STK11: variants seen among roughly 807,000 people sequenced by gnomAD.
The protein encoded by STK11 is serine/threonine-protein kinase STK11.
A neutral mutation model predicts 47.3 loss-of-function variants in STK11; 8 were observed. The observed-to-expected ratio is 0.17, with a 90% CI of 0.10 to 0.31. STK11 has a LOEUF of 0.31. Ranked by LOEUF, STK11 falls within the 10% of genes least tolerant of loss-of-function variation. The pLI, the probability that STK11 is intolerant of heterozygous loss-of-function variation, is 1.00. For missense variants in STK11, 475 were observed against 605.0 expected, an observed-to-expected ratio of 0.79 and a Z score of 2.25; for synonymous variants, 330 against 255.8, an observed-to-expected ratio of 1.29 and a Z score of -2.77.
intron 1 of STK11, among the ~76,000 whole-genome samples, chr19:1,208,901 G>T (rs1024631227): frequency 6.6e-6 from 1 of 151,394 alleles, no homozygotes; most frequent in African/African-American, 2.4e-5. Context: ...GATTAAAGGC[G>T]TGAGCCACCG....
chr19:1,224,521 A>G, intron 8 of STK11: 9 of 985,398 alleles, frequency 9.1e-6, no homozygotes, highest in Non-Finnish European at 9.6e-6. Flanking sequence ...CAGGAGGGCC[A>G]GTTAGGGCAG....
chr19:1,221,822 C>T lies in STK11; in HGVS notation c.863-127C>T, dbSNP rs570425322. 4.2e-4 allele frequency: 460 copies of T among 1,093,924 alleles called. 1 individual carries two copies. The highest frequency in any genetic ancestry group is 6.2e-4 in the Middle Eastern group (3 of 4,854). 67.8% of individuals were successfully genotyped at this position (1,093,924 alleles called of 1,614,324 possible). On this transcript the variant is annotated intron_variant, in intron 6 of 9. Coordinates refer to ENST00000326873, the MANE Select transcript of STK11 (RefSeq NM_000455.5). Reference sequence around the variant, plus strand: ...CTCTGTCAGGGAGACCGCCTGTGCGCGGGGTCCCCCTTAGGAGCGTCCAGG... The same window carrying T: ...CTCTGTCAGGGAGACCGCCTGTGCGTGGGGTCCCCCTTAGGAGCGTCCAGG...
In STK11 at chr19:1,226,545, GAGCACCAAATCC is replaced by G; in HGVS notation, c.1203_1214del (p.Ser401_Ser404del). On this transcript the variant is annotated inframe_deletion, in exon 9 of 10. Coordinates refer to ENST00000326873, the MANE Select transcript of STK11 (RefSeq NM_000455.5). ...TGAACGGCACAGAGGCGGCGCAGCT[GAGCACCAAATCC>G]AGGGCGGAGGGCCGGGCCCCCAACC... The G allele has an allele frequency of 6.2e-7, 1 of 1,604,588 alleles. No individual in the cohort carries two copies. Among genetic ancestry groups the G allele is most frequent in the Non-Finnish European group, 8.5e-7 (1 of 1,176,696 alleles).
intron 6 of STK11, 111 bp downstream of exon 6, chr19:1,221,451 C>T (rs997091969): frequency 1.7e-5 from 24 of 1,433,290 alleles, no homozygotes; most frequent in Non-Finnish European, 2.1e-5. Context: ...CCCCAGCAGG[C>T]ATTGAGAGGA....
In STK11 at chr19:1,206,928, C is replaced by T. The variant is rs786201498; in HGVS notation, c.15C>T (p.Asp5=). The change falls in exon 1 of 10, where the codon GAC becomes GAT. Residue 5 remains aspartate (D), a synonymous_variant. Coordinates refer to ENST00000326873, the MANE Select transcript of STK11 (RefSeq NM_000455.5). The stretch of plus-strand genomic sequence containing the variant: ...CTGGGTCCAGCATGGAGGTGGTGGA[C>T]CCGCAGCAGCTGGGCATGTTCACGG... MEVV[D]PQQLGMFTEG... The T allele has an allele frequency of 1.3e-6, 2 of 1,587,726 alleles. No individual in the cohort carries two copies. Among genetic ancestry groups the T allele is most frequent in the East Asian group, 2.3e-5 (1 of 43,414 alleles).
intron 1 of STK11, among the ~76,000 whole-genome samples, chr19:1,211,551 C>T (rs1369389830): frequency 6.6e-6 from 1 of 152,136 alleles, no homozygotes; most frequent in Admixed American, 6.5e-5. Context: ...GTCTGCCCGC[C>T]TTGTGGAGCC....
At chr19:1,207,400 C>A (rs1308734566) in intron 1 of STK11, among the ~76,000 whole-genome samples, 197 bp downstream of exon 1, 1 of 152,194 alleles carries the variant, frequency 6.6e-6, no homozygotes, top group Non-Finnish European at 1.5e-5. Context: ...TCAGGCAAGG[C>A]CAGTTGTCGC....
At position 1,227,838 on chromosome 19, in the gene STK11, G is replaced by A. The variant is rs1199714976; in HGVS notation, c.*262G>A. ...CCGGGCGGAGCCTTCCCGGGCGGGC[G>A]TGGGAGGAGGGAGGCGGCCTCCATG... On this transcript the variant is annotated 3_prime_UTR_variant, in exon 10 of 10. Transcript: ENST00000326873. The A allele has an allele frequency of 1.9e-6, 2 of 1,071,042 alleles. No homozygotes were observed. Among genetic ancestry groups the A allele is most frequent in the South Asian group, 4.5e-5 (1 of 22,034 alleles). 66.3% of individuals were successfully genotyped at this position (1,071,042 alleles called of 1,614,324 possible). A position where few individuals can be genotyped will look rare whatever the true frequency, so the allele number is the denominator to read the frequency against.
Position 1,220,584 on chromosome 19 carries a change from C to T in STK11, c.601C>T (p.Leu201=), listed in dbSNP as rs1490445170. The part of the protein sequence containing the change: ...KISDLGVAEA[L]HPFAADDTCR... ...GGGCTGCACGGCACCGCCACAGGCA[C>T]TGCACCCGTTCGCGGCGGACGACAC... Residue 201 remains leucine, a synonymous_variant, in exon 5 of 10, where the codon CTG becomes TTG. Transcript: ENST00000326873. 1 of 1,584,124 alleles carries T rather than the reference C, an allele frequency of 6.3e-7. No homozygotes were observed. Among genetic ancestry groups the T allele is most frequent in the South Asian group, 1.1e-5 (1 of 87,964 alleles).
At chr19:1,226,787 G>A (rs1389918796) in intron 9 of STK11, 124 bp downstream of exon 9, 12 of 1,246,592 alleles carry the variant, frequency 9.6e-6, no homozygotes, top group Admixed American at 3.1e-5. Flanking sequence ...TGGTTGCCAT[G>A]TGGCCTTTGG....
At chr19:1,220,041 G>C (rs2080771729) in intron 3 of STK11, 1 of 305,268 alleles carries the variant, frequency 3.3e-6, no homozygotes, top group Admixed American at 4.6e-5. Flanking sequence ...CTCAGAGTCA[G>C]GGCCCCTTGC....
chr19:1,207,311 C>G, intron 1 of STK11, 108 bp downstream of exon 1: 1 of 1,419,076 alleles, frequency 7.0e-7, no homozygotes, highest in South Asian at 1.4e-5. Context: ...CTCTTAACAC[C>G]CTGAGCTGGA....
chr19:1,226,309 G>A (rs1267974907), intron 8 of STK11, 145 bp from the exon 9 acceptor site: 2 of 1,458,778 alleles, frequency 1.4e-6, no homozygotes, highest in African/African-American at 2.9e-5. Context: ...AGCATTTCAG[G>A]CTGGATACAC....
At position 1,227,741 on chromosome 19, in the gene STK11, A is replaced by G; in HGVS notation, c.*165A>G. 9.3e-7 allele frequency: 1 copy of G among 1,072,256 alleles called. No homozygotes were observed. The highest frequency in any genetic ancestry group is 4.8e-5 in the East Asian group (1 of 20,948). The allele number at this position is 1,072,256 out of a possible 1,614,324, so 66.4% of individuals were successfully genotyped here. On this transcript the variant is annotated 3_prime_UTR_variant, in exon 10 of 10. Coordinates refer to ENST00000326873, the MANE Select transcript of STK11 (RefSeq NM_000455.5). The stretch of plus-strand genomic sequence containing the variant: ...GCGCCCTGCAGGGCCGGGCAGGGGG[A>G]CAGCAGGGACCGGGCGCAGCCCTCC...
chr19:1,219,781 G>A (rs910804193), intron 3 of STK11, among the ~76,000 whole-genome samples: 1 of 152,134 alleles, frequency 6.6e-6, no homozygotes, highest in African/African-American at 2.4e-5. Flanking sequence ...TCCTGACCTC[G>A]TGATCCGCCT....
intron 2 of STK11, 138 bp downstream of exon 2, chr19:1,218,638 C>A: frequency 2.6e-6 from 2 of 779,644 alleles, no homozygotes; most frequent in Non-Finnish European, 4.4e-6. Flanking sequence ...TCCCTGGTTC[C>A]CCGGAAGTCA....
intron 6 of STK11, 69 bp downstream of exon 6, chr19:1,221,409 G>A (rs2080783552): frequency 1.3e-6 from 2 of 1,501,374 alleles, no homozygotes; most frequent in South Asian, 2.5e-5. Flanking sequence ...GTAGGGTTGG[G>A]GGTGTCAGGT....
intron 7 of STK11, 122 bp downstream of exon 7, chr19:1,222,128 C>G: frequency 8.6e-7 from 1 of 1,168,020 alleles, no homozygotes; most frequent in South Asian, 1.3e-5. Flanking sequence ...GGGCCAGACC[C>G]CGTGCAGCGC....
intron 1 of STK11, chr19:1,216,409 A>G: frequency 6.1e-6 from 1 of 164,866 alleles, no homozygotes; most frequent in Non-Finnish European, 1.3e-5. Flanking sequence ...GTGAAACCCC[A>G]TCTCTACTAA....
Sources: gnomAD v4.1 joint callset for allele counts (sites outside exome capture counted in the v4.1 genomes callset) on GRCh38, gnomAD v4.1.1 for gene constraint, MANE v1.5 for transcripts, NCBI Gene and HGNC (gene_info 2026-07-23, HGNC 2026-07-21) for gene names.